Variants in C16orf74 observed in about 807,000 individuals in gnomAD.
The protein encoded by C16orf74 is uncharacterized protein C16orf74.
Under a neutral mutation model 6.5 loss-of-function variants are expected in C16orf74, and 10 were observed. That is an observed-to-expected ratio of 1.54 (90% CI 0.95 to 2.61). C16orf74 has a LOEUF of 2.61. C16orf74 is among the 30% of genes most tolerant of loss of function. C16orf74 has a pLI of 0.00. For synonymous variants in C16orf74, 60 were observed against 42.5 expected, an observed-to-expected ratio of 1.41 and a Z score of -1.60; for missense variants, 141 against 105.9, an observed-to-expected ratio of 1.33 and a Z score of -1.45.
At chr16:85,713,543 G>A (rs1363154679) in intron 2 of C16orf74, among the ~76,000 whole-genome samples, 5 of 152,158 alleles carry the variant, frequency 3.3e-5, no homozygotes, top group Non-Finnish European at 7.3e-5. Flanking sequence ...AAAGTGCTGG[G>A]ATCAGAGGCA....
intron 2 of C16orf74, among the ~76,000 whole-genome samples, chr16:85,718,715 C>G (rs928684288): frequency 1.3e-3 from 193 of 152,376 alleles, no homozygotes; most frequent in African/African-American, 4.5e-3. Flanking sequence ...AACTCCAGTG[C>G]TGGCCTCGCT....
chr16:85,714,292 C>T lies in C16orf74; in HGVS notation c.29-3985G>A, dbSNP rs552749836. ...CTCCCCTCATTCTCAAACCCAGTGACGAGCATCCGCCCCTCACCCCAGGCA... is the reference window on the plus strand; with the variant it reads ...CTCCCCTCATTCTCAAACCCAGTGATGAGCATCCGCCCCTCACCCCAGGCA... On this transcript the variant is annotated intron_variant, in intron 2 of 3. Transcript: ENST00000284245. Among the ~76,000 whole-genome samples, 251 of 152,224 alleles carry T rather than the reference C, an allele frequency of 1.6e-3. 1 individual carries two copies. The highest frequency in any genetic ancestry group is 5.9e-3 in the African/African-American group (246 of 41,526).
chr16:85,741,855 T>C (rs559244854), intron 1 of C16orf74, among the ~76,000 whole-genome samples: 3 of 152,320 alleles, frequency 2.0e-5, no homozygotes, highest in East Asian at 3.9e-4. Context: ...GACAGAGTTG[T>C]CACCATCATC....
intron 2 of C16orf74, chr16:85,710,587 T>C (rs920267774): frequency 1.8e-5 from 7 of 394,174 alleles, no homozygotes; most frequent in Non-Finnish European, 3.2e-5. Flanking sequence ...TTGTCAGCCT[T>C]TACCATGTGG....
At chr16:85,709,404 A>C (rs1443460161) in intron 3 of C16orf74, among the ~76,000 whole-genome samples, 2 of 152,074 alleles carry the variant, frequency 1.3e-5, no homozygotes, top group Admixed American at 1.3e-4. Flanking sequence ...TCTGTACTTA[A>C]CTCTGAACTC....
chr16:85,718,862 T>C (rs1034849516), intron 2 of C16orf74, among the ~76,000 whole-genome samples: 33 of 152,262 alleles, frequency 2.2e-4, no homozygotes, highest in African/African-American at 6.8e-4. Context: ...ATTCAGCACC[T>C]ACTGGGTGCC....
At chr16:85,748,925 ATTTT>A (rs748594620) in intron 1 of C16orf74, among the ~76,000 whole-genome samples, 1,489 of 73,132 alleles carry the variant, frequency 0.02, 29 homozygotes, top group Non-Finnish European at 0.026. Context: ...GGAGGCTTTG[ATTTT>A]TTTTTTTTTT....
At chr16:85,743,888 C>A (rs2054339044) in intron 1 of C16orf74, among the ~76,000 whole-genome samples, 1 of 151,942 alleles carries the variant, frequency 6.6e-6, no homozygotes, top group African/African-American at 2.4e-5. Context: ...CCCGTCTCTA[C>A]TAAAAATACA....
intron 2 of C16orf74, among the ~76,000 whole-genome samples, chr16:85,714,849 A>G (rs1347402978): frequency 6.6e-6 from 1 of 151,388 alleles, no homozygotes; most frequent in Non-Finnish European, 1.5e-5. Flanking sequence ...TGGGGTTTGA[A>G]CCTTCTTTAA....
At chr16:85,732,750 A>G (rs1337865405) in intron 2 of C16orf74, among the ~76,000 whole-genome samples, 3 of 146,692 alleles carry the variant, frequency 2.0e-5, no homozygotes, top group African/African-American at 5.1e-5. Flanking sequence ...GGGCCTCATC[A>G]CCTCCAGAGA....
intron 2 of C16orf74, among the ~76,000 whole-genome samples, chr16:85,731,630 A>G (rs889735413): frequency 2.0e-5 from 3 of 151,848 alleles, no homozygotes; most frequent in Admixed American, 6.6e-5. Context: ...CAAAAGATAC[A>G]CCTAACCGGA....
At chr16:85,734,943 G>A (rs74034066) in intron 2 of C16orf74, among the ~76,000 whole-genome samples, 1 of 152,106 alleles carries the variant, frequency 6.6e-6, no homozygotes, top group Non-Finnish European at 1.5e-5. Flanking sequence ...CACCCTGAGG[G>A]GGAAACTGAG....
chr16:85,712,796 G>A (rs764068760), intron 2 of C16orf74, among the ~76,000 whole-genome samples: 26 of 152,332 alleles, frequency 1.7e-4, no homozygotes, highest in Non-Finnish European at 1.6e-4. Context: ...CTCTGTCCGC[G>A]GTTTCTGAGA....
chr16:85,735,166 T>G, intron 2 of C16orf74, 24 bp downstream of exon 2: 1 of 1,596,422 alleles, frequency 6.3e-7, no homozygotes. Context: ...TGAGAGCTGG[T>G]GGGGGCAGAG....
At chr16:85,742,661 C>T (rs541427723) in intron 1 of C16orf74, among the ~76,000 whole-genome samples, 105 of 152,244 alleles carry the variant, frequency 6.9e-4, no homozygotes, top group Middle Eastern at 6.8e-3. Flanking sequence ...CCTGACTTAG[C>T]CTCCCGAGTA....
At chr16:85,750,792 ACC>A in intron 1 of C16orf74, 132 bp downstream of exon 1, 1 of 151,890 alleles carries the variant, frequency 6.6e-6, no homozygotes, top group Non-Finnish European at 1.5e-5. Flanking sequence ...TGGGTCTCCC[ACC>A]GACCCCCGGG....
intron 2 of C16orf74, among the ~76,000 whole-genome samples, chr16:85,729,142 T>G (rs2054163096): frequency 6.6e-6 from 1 of 152,144 alleles, no homozygotes; most frequent in Non-Finnish European, 1.5e-5. Flanking sequence ...TCCCCTTCCG[T>G]CTGTGGAGCC....
In C16orf74 at chr16:85,710,649, G is replaced by A. The variant is rs185781287; in HGVS notation, c.29-342C>T. 1.7e-4 allele frequency: 43 copies of A among 259,164 alleles called. No individual in the cohort carries two copies. In the East Asian group the frequency reaches 2.9e-3, roughly 18 times the overall value. The allele number at this position is 259,164 out of a possible 1,614,324, so 16.1% of individuals were successfully genotyped here. On this transcript the variant is annotated intron_variant, in intron 2 of 3. Transcript: ENST00000284245. ...GCCACCAGCCCCCACTCTCCACAGC[G>A]CTCCAGCCTCCACTCTCCAAAGTGC...
At chr16:85,742,994 A>C (rs945598920) in intron 1 of C16orf74, among the ~76,000 whole-genome samples, 1 of 152,186 alleles carries the variant, frequency 6.6e-6, no homozygotes, top group Non-Finnish European at 1.5e-5. Flanking sequence ...CATCATCGTC[A>C]TCAGTGTGAT....
Sources: allele counts gnomAD v4.1 joint callset (sites outside exome capture counted in the v4.1 genomes callset), GRCh38; gene constraint gnomAD v4.1.1; transcripts MANE v1.5; gene names NCBI Gene and HGNC (gene_info 2026-07-23, HGNC 2026-07-21).